The following GPATCH2 variants were observed in gnomAD, a reference collection of about 807,000 sequenced individuals.
GPATCH2 encodes G patch domain-containing protein 2.
GPATCH2 carries 51 observed loss-of-function variants against 58.0 expected under a neutral mutation model. That is an observed-to-expected ratio of 0.88 (90% CI 0.70 to 1.11). GPATCH2 has a LOEUF of 1.11. Ranked by LOEUF, GPATCH2 falls within the 50% of genes most tolerant of loss-of-function variation. GPATCH2 has a pLI of 0.00. For missense variants in GPATCH2, 625 were observed against 652.2 expected, an observed-to-expected ratio of 0.96 and a Z score of 0.45; for synonymous variants, 222 against 218.5, an observed-to-expected ratio of 1.02 and a Z score of -0.14.
intron 5 of GPATCH2, chr1:217,609,811 G>A (rs535833435): frequency 2.2e-4 from 215 of 984,694 alleles, no homozygotes; most frequent in Non-Finnish European, 2.5e-4. Context: ...AATACTTGTC[G>A]ATCTGGAAGT....
intron 9 of GPATCH2, among the ~76,000 whole-genome samples, chr1:217,433,111 T>C (rs1658623067): frequency 6.6e-6 from 1 of 152,060 alleles, no homozygotes; most frequent in East Asian, 1.9e-4. Context: ...AGTTTTCTTC[T>C]TCCCTGACTC....
intron 8 of GPATCH2, among the ~76,000 whole-genome samples, chr1:217,459,218 C>T (rs1172769748): frequency 6.6e-6 from 1 of 152,104 alleles, no homozygotes; most frequent in Admixed American, 6.5e-5. Context: ...AGATGCTAAA[C>T]TAAACAGAAG....
chr1:217,598,065 T>C (rs1667931029), intron 5 of GPATCH2, among the ~76,000 whole-genome samples: 1 of 152,144 alleles, frequency 6.6e-6, no homozygotes, highest in Non-Finnish European at 1.5e-5. Context: ...ACACTGGCAA[T>C]ATAACTAGTG....
At chr1:217,605,395 A>AT (rs946654646) in intron 5 of GPATCH2, among the ~76,000 whole-genome samples, 41 of 152,318 alleles carry the variant, frequency 2.7e-4, no homozygotes, top group African/African-American at 8.9e-4. Context: ...ATAAACATGT[A>AT]TAAATAGTCA....
intron 5 of GPATCH2, among the ~76,000 whole-genome samples, chr1:217,520,722 T>C (rs893150720): frequency 6.6e-6 from 1 of 152,186 alleles, no homozygotes; most frequent in South Asian, 2.1e-4. Context: ...ATGAACAAAC[T>C]GACAAAGAAT....
intron 5 of GPATCH2, among the ~76,000 whole-genome samples, chr1:217,561,106 GAAAGA>G (rs1665905850): frequency 6.6e-6 from 1 of 152,050 alleles, no homozygotes. Context: ...CAAAAACAAA[GAAAGA>G]AAAGACCTCT....
chr1:217,503,693 C>G (rs982882302), intron 6 of GPATCH2, among the ~76,000 whole-genome samples: 2 of 151,914 alleles, frequency 1.3e-5, no homozygotes, highest in Non-Finnish European at 2.9e-5. Flanking sequence ...TCATACCATT[C>G]AAAATTTCAG....
chr1:217,559,936 T>C (rs2102689297), intron 5 of GPATCH2, among the ~76,000 whole-genome samples: 1 of 152,212 alleles, frequency 6.6e-6, no homozygotes, highest in Non-Finnish European at 1.5e-5. Flanking sequence ...CAGGCTATTC[T>C]AGGCTTGGTT....
chr1:217,509,797 G>A (rs1275289793), intron 6 of GPATCH2, among the ~76,000 whole-genome samples: 1 of 151,964 alleles, frequency 6.6e-6, no homozygotes, highest in Non-Finnish European at 1.5e-5. Context: ...TTCCAACCTC[G>A]GCAAGTTCTT....
chr1:217,624,635 T>G (rs1230712379), intron 1 of GPATCH2, among the ~76,000 whole-genome samples: 1 of 152,214 alleles, frequency 6.6e-6, no homozygotes, highest in Non-Finnish European at 1.5e-5. Flanking sequence ...ATTAAAACAC[T>G]TTATCCTAGA....
In GPATCH2 at chr1:217,462,906, A is replaced by G. The variant is rs1571744298; in HGVS notation, c.1278-13569T>C. ...TTGGGTGAACCTGGGCAAGTTAGTT[A>G]ATCCTTTTATGCTTGGCCTTTCTCA... On this transcript the variant is annotated intron_variant, in intron 8 of 9. Coordinates refer to ENST00000366935, the MANE Select transcript of GPATCH2 (RefSeq NM_018040.5). Among the ~76,000 whole-genome samples the G allele has an allele frequency of 2.0e-5, 3 of 152,176 alleles. No individual in the cohort carries two copies. In the South Asian group the frequency reaches 6.2e-4, roughly 31 times the overall value.
At chr1:217,442,589 C>T (rs1411430248) in intron 9 of GPATCH2, among the ~76,000 whole-genome samples, 2 of 152,124 alleles carry the variant, frequency 1.3e-5, no homozygotes, top group African/African-American at 4.8e-5. Context: ...AGATTTCTAA[C>T]TCCTGGTAAA....
chr1:217,553,044 G>C (rs922083568), intron 5 of GPATCH2, among the ~76,000 whole-genome samples: 7 of 140,968 alleles, frequency 5.0e-5, no homozygotes, highest in African/African-American at 1.6e-4. Context: ...AAAGTACTCA[G>C]AGTTTCATTA....
At chr1:217,484,822 G>GAT (rs1295937400) in intron 8 of GPATCH2, among the ~76,000 whole-genome samples, 1 of 150,852 alleles carries the variant, frequency 6.6e-6, no homozygotes, top group Non-Finnish European at 1.5e-5. Context: ...TGTGTATATA[G>GAT]ATATATATAT....
At chr1:217,468,857 A>T (rs1446578372) in intron 8 of GPATCH2, among the ~76,000 whole-genome samples, 1 of 152,106 alleles carries the variant, frequency 6.6e-6, no homozygotes, top group East Asian at 1.9e-4. Flanking sequence ...AAGCCAGTTA[A>T]TAGACACAAT....
chr1:217,608,694 T>C, intron 5 of GPATCH2: 1 of 984,148 alleles, frequency 1.0e-6, no homozygotes, highest in Non-Finnish European at 1.2e-6. Context: ...AAGTGACTTA[T>C]TCAGATCTAA....
chr1:217,449,261 G>A lies in GPATCH2; in HGVS notation c.1354C>T (p.Pro452Ser). The change falls in exon 9 of 10, where the codon CCT becomes TCT. Residue 452 changes from proline to serine, a missense_variant. Transcript: ENST00000366935. ...RRRKAAPLPG[P>S]TTAGFVGENA... ...GCTTTTGTTTTACCTGCAGTAGTAG[G>A]TCCAGGCAAAGGTGCAGCTTTTCTT... is the stretch of plus-strand genomic sequence containing the variant. 6.3e-7 allele frequency: 1 copy of A among 1,589,370 alleles called. No individual in the cohort carries two copies. Among genetic ancestry groups the A allele is most frequent in the Non-Finnish European group, 8.6e-7 (1 of 1,157,364 alleles).
chr1:217,625,552 T>C (rs896544769), intron 1 of GPATCH2, among the ~76,000 whole-genome samples: 2 of 152,180 alleles, frequency 1.3e-5, no homozygotes, highest in African/African-American at 4.8e-5. Context: ...TACCAATAAT[T>C]GCTATTCCTA....
chr1:217,550,486 G>A (rs550120886), intron 5 of GPATCH2, among the ~76,000 whole-genome samples: 5 of 151,862 alleles, frequency 3.3e-5, no homozygotes, highest in South Asian at 2.1e-4. Flanking sequence ...TAGGAATAGT[G>A]TTAAATACAA....
Sources: gnomAD v4.1 joint callset for allele counts (sites outside exome capture counted in the v4.1 genomes callset) on GRCh38, gnomAD v4.1.1 for gene constraint, MANE v1.5 for transcripts, NCBI Gene and HGNC (gene_info 2026-07-23, HGNC 2026-07-21) for gene names.